The following DGKK variants were observed in gnomAD, a reference collection of about 807,000 sequenced individuals.
DGKK encodes the protein diacylglycerol kinase kappa, also known as 142 kDa diacylglycerol kinase.
DGKK carries 35 observed loss-of-function variants against 92.2 expected under a neutral mutation model. The ratio of observed to expected loss-of-function variants is 0.38; its 90% CI spans 0.29 to 0.50. The LOEUF (loss-of-function observed/expected upper bound fraction) is 0.50, where lower values mean the gene tolerates loss of function less well. Ranked by LOEUF, DGKK falls within the 20% of genes least tolerant of loss-of-function variation. DGKK has a pLI of 0.92. For synonymous variants in DGKK, 368 were observed against 360.6 expected (o/e 1.02, Z -0.23); for missense variants, 910 against 992.2 (o/e 0.92, Z 1.11).
At chrX:50,378,803 GTGGAAACA>G (rs1924337385) in intron 20 of DGKK, 112 bp from the exon 21 acceptor site, 1 of 543,856 alleles carries the variant, frequency 1.8e-6, no homozygotes, top group Non-Finnish European at 3.0e-6. Context: ...CTCATGAAGA[GTGGAAACA>G]CTTCATTATT....
chrX:50,454,433 C>T (rs1414574190), intron 1 of DGKK, among the ~76,000 whole-genome samples: 1 of 111,322 alleles, frequency 9.0e-6, no homozygotes, highest in Admixed American at 9.6e-5. Context: ...GCCCAAGTAA[C>T]CTTTCTGCAT....
At chrX:50,411,189 C>T (rs782475921) in intron 4 of DGKK, among the ~76,000 whole-genome samples, 1 of 111,547 alleles carries the variant, frequency 9.0e-6, no homozygotes, top group South Asian at 3.8e-4. Context: ...CCCATCCAAC[C>T]CTAGTGTCAG....
At chrX:50,447,326 GTA>G (rs1194566657) in intron 1 of DGKK, among the ~76,000 whole-genome samples, 1,183 of 18,128 alleles carry the variant, frequency 0.065, 72 homozygotes, top group East Asian at 0.38. Flanking sequence ...GTGTGTGTAT[GTA>G]TATATATATA....
At chrX:50,390,527 A>C in intron 11 of DGKK, 118 bp from the exon 12 acceptor site, 29 of 541,739 alleles carry the variant, frequency 5.4e-5, no homozygotes, top group East Asian at 7.8e-5. Flanking sequence ...GGTGGGTTGT[A>C]GGGGGTGTCC....
chrX:50,384,052 C>T (rs1307977515), intron 17 of DGKK, 116 bp downstream of exon 17: 6 of 391,072 alleles, frequency 1.5e-5, no homozygotes, highest in East Asian at 1.1e-4. Flanking sequence ...TAGTCACTTG[C>T]GTAGGTGACA....
At chrX:50,442,034 A>G (rs1926183941) in intron 1 of DGKK, among the ~76,000 whole-genome samples, 1 of 111,392 alleles carries the variant, frequency 9.0e-6, no homozygotes, top group South Asian at 3.7e-4. Flanking sequence ...CTACAGCCCC[A>G]AAAGAGGCTT....
chrX:50,371,903 C>T (rs1276389465), intron 25 of DGKK, 69 bp from the exon 26 acceptor site: 2 of 670,618 alleles, frequency 3.0e-6, no homozygotes, highest in Non-Finnish European at 4.6e-6. Flanking sequence ...CACTCTCCCC[C>T]ACTCCCAGTC....
chrX:50,440,009 C>T (rs1373852971), intron 1 of DGKK, among the ~76,000 whole-genome samples: 3 of 111,219 alleles, frequency 2.7e-5, no homozygotes, highest in African/African-American at 9.8e-5. Context: ...ATTAGTGAAC[C>T]CAAGTGTTTG....
rs1389697741 is a variant in DGKK at position 50,469,173 on chromosome X, A to T, written c.645+861T>A. 2.7e-5 allele frequency among the ~76,000 whole-genome samples: 3 copies of T among 111,272 alleles called. No individual in the cohort carries two copies. In the East Asian group the frequency reaches 8.5e-4, roughly 32 times the overall value. ...AACGATTTAGAAGGCGTCGCGGTAG[A>T]CTGGTAGAGATGAAGGTTCCCCTTC... On this transcript the variant is annotated intron_variant, in intron 1 of 27. Coordinates refer to ENST00000611977, the MANE Select transcript of DGKK (RefSeq NM_001013742.4).
chrX:50,445,399 A>G (rs781814626), intron 1 of DGKK, among the ~76,000 whole-genome samples: 43 of 110,323 alleles, frequency 3.9e-4, no homozygotes, highest in African/African-American at 1.4e-3. Context: ...TCTTCCAGGG[A>G]TTTTATAGTT....
intron 1 of DGKK, among the ~76,000 whole-genome samples, chrX:50,463,065 T>C (rs1926800922): frequency 2.8e-5 from 3 of 107,147 alleles, no homozygotes. Flanking sequence ...TTTTTCCTTA[T>C]TGTGGGGGAT....
At chrX:50,373,182 A>G (rs914112977) in intron 25 of DGKK, among the ~76,000 whole-genome samples, 10 of 112,332 alleles carry the variant, frequency 8.9e-5, no homozygotes, top group Non-Finnish European at 1.9e-4. Context: ...TTCGTCATCA[A>G]TTTACTTCCC....
rs1257632090 is a variant in DGKK at position 50,391,528 on chromosome X, C to T, written c.1753G>A (p.Val585Ile). ...TTCCAGAATGCACCCCAGCCCAGAA[C>T]ACGAGCCAGATCATTGCCGGTTCCA... The part of the protein sequence containing the change: ...PLGTGNDLAR[V>I]LGWGAFWNKS... The change falls in exon 11 of 28, where the codon GTT becomes ATT. Residue 585 changes from valine (V) to isoleucine (I), a missense_variant. Coordinates refer to ENST00000611977, the MANE Select transcript of DGKK (RefSeq NM_001013742.4). 1 of 1,209,704 alleles carries T rather than the reference C, an allele frequency of 8.3e-7. No individual in the cohort carries two copies. The highest frequency in any genetic ancestry group is 1.8e-5 in the African/African-American group (1 of 57,139).
intron 7 of DGKK, 21 bp downstream of exon 7, chrX:50,403,040 T>A (rs782666957): frequency 5.0e-6 from 6 of 1,207,829 alleles, no homozygotes; most frequent in Admixed American, 2.2e-5. Context: ...TCTCTAAATA[T>A]CAAGATGAGA....
chrX:50,420,623 C>A lies in DGKK; in HGVS notation c.838-116G>T, dbSNP rs781978379. The A allele has an allele frequency of 1.2e-5, 7 of 578,781 alleles. No individual in the cohort carries two copies. The African/African-American group carries it at 1.6e-4, about 13-fold the overall frequency. The allele number at this position is 578,781 out of a possible 1,213,427, so 47.7% of individuals were successfully genotyped here. A position where few individuals can be genotyped will look rare whatever the true frequency, so the allele number is the denominator to read the frequency against. ...GTACCAAGCACAACATAAGCCACTTCTTGAATATAAGACAGACATTCCCAG... is the reference window on the plus strand; with the variant it reads ...GTACCAAGCACAACATAAGCCACTTATTGAATATAAGACAGACATTCCCAG... On this transcript the variant is annotated intron_variant, in intron 3 of 27. Coordinates refer to ENST00000611977, the MANE Select transcript of DGKK (RefSeq NM_001013742.4).
At chrX:50,449,705 GC>G (rs1167705842) in intron 1 of DGKK, among the ~76,000 whole-genome samples, 4 of 110,772 alleles carry the variant, frequency 3.6e-5, no homozygotes, top group Non-Finnish European at 7.6e-5. Context: ...GCTCAGACAC[GC>G]ATGGGGTATA....
chrX:50,413,822 A>G (rs189665146), intron 4 of DGKK, among the ~76,000 whole-genome samples: 1 of 112,071 alleles, frequency 8.9e-6, no homozygotes, highest in Admixed American at 9.5e-5. Flanking sequence ...ACCTAAAAAT[A>G]GAACAACCAT....
At chrX:50,450,645 T>C (rs191234067) in intron 1 of DGKK, among the ~76,000 whole-genome samples, 1 of 112,361 alleles carries the variant, frequency 8.9e-6, no homozygotes, top group East Asian at 2.8e-4. Context: ...CTGGCATTCA[T>C]GTTATTTTTA....
In DGKK at chrX:50,365,507, T is replaced by C. The variant is rs1923950812; in HGVS notation, c.*3433A>G. ...GCGGGGGGAGAGGAATAGGCACACT[T>C]TGTGGATCTTTTTTTTCTGCTTTTT... On this transcript the variant is annotated 3_prime_UTR_variant, in exon 28 of 28. Coordinates refer to ENST00000611977, the MANE Select transcript of DGKK (RefSeq NM_001013742.4). 1 of 111,529 alleles carries C rather than the reference T, an allele frequency of 9.0e-6. No homozygotes were observed. Among genetic ancestry groups the C allele is most frequent in the African/African-American group, 3.3e-5 (1 of 30,652 alleles). The allele number at this position is 111,529 out of a possible 1,213,427, so 9.2% of individuals were successfully genotyped here.
Sources: allele counts gnomAD v4.1 joint callset (sites outside exome capture counted in the v4.1 genomes callset), GRCh38; gene constraint gnomAD v4.1.1; transcripts MANE v1.5; gene names NCBI Gene and HGNC (gene_info 2026-07-23, HGNC 2026-07-21).